Variants in NCOR2 observed in about 807,000 individuals in gnomAD.
NCOR2 encodes the protein CTG repeat protein 26.
In NCOR2, 81 loss-of-function variants were observed where a neutral mutation model predicts 262.9. The ratio of observed to expected loss-of-function variants is 0.31; its 90% CI spans 0.26 to 0.37. The LOEUF (loss-of-function observed/expected upper bound fraction) is 0.37, where lower values mean the gene tolerates loss of function less well. Among genes scored for constraint, NCOR2 ranks in the 10% least tolerant of loss-of-function variants. The pLI, the probability that NCOR2 is intolerant of heterozygous loss-of-function variation, is 1.00. For missense variants in NCOR2, 3,385 were observed against 3,621.4 expected, an observed-to-expected ratio of 0.93 and a Z score of 1.68; for synonymous variants, 1,659 against 1,559.3, an observed-to-expected ratio of 1.06 and a Z score of -1.51.
chr12:124,521,586 C>T (rs1384924917), intron 1 of NCOR2, among the ~76,000 whole-genome samples: 2 of 152,202 alleles, frequency 1.3e-5, no homozygotes, highest in Non-Finnish European at 2.9e-5. Context: ...AGATTGGTAG[C>T]TGCCAGGGGC....
chr12:124,371,809 C>G (rs1286758964), intron 20 of NCOR2, among the ~76,000 whole-genome samples: 1 of 152,132 alleles, frequency 6.6e-6, no homozygotes, highest in Non-Finnish European at 1.5e-5. Flanking sequence ...GCTTGGATGT[C>G]ACCTCCTGGG....
chr12:124,426,516 G>A, intron 11 of NCOR2, 106 bp downstream of exon 13: 13 of 1,139,872 alleles, frequency 1.1e-5, no homozygotes, highest in Non-Finnish European at 1.5e-5. Flanking sequence ...GCGGTTTTAA[G>A]CACCCCCCGG....
At chr12:124,359,385 C>T (rs139338524) in intron 22 of NCOR2, among the ~76,000 whole-genome samples, 40 of 152,348 alleles carry the variant, frequency 2.6e-4, no homozygotes, top group Middle Eastern at 3.4e-3. Context: ...TTAATGATGC[C>T]TGCTGTGAGC....
exon 33 of NCOR2, chr12:124,343,084 A>G (rs771639259): frequency 1.2e-6 from 2 of 1,612,306 alleles, no homozygotes; most frequent in South Asian, 2.2e-5. Context: ...GGTCCACGCC[A>G]CTCACGCCCC....
chr12:124,462,955 C>A (rs1440335162), intron 5 of NCOR2, among the ~76,000 whole-genome samples: 1 of 152,160 alleles, frequency 6.6e-6, no homozygotes, highest in Non-Finnish European at 1.5e-5. Flanking sequence ...GTTGCCGCTT[C>A]CATCAATCCT....
chr12:124,348,231 T>G, exon 29 of NCOR2: 1 of 1,612,960 alleles, frequency 6.2e-7, no homozygotes, highest in Admixed American at 1.7e-5. Context: ...ATGTCATAGG[T>G]GCGCTTGGGG....
intron 1 of NCOR2, among the ~76,000 whole-genome samples, chr12:124,565,641 A>G (rs2052213967): frequency 6.6e-6 from 1 of 152,044 alleles, no homozygotes; most frequent in South Asian, 2.1e-4. Context: ...GAACCCAGGA[A>G]TAATAATACC....
At chr12:124,540,425 G>A (rs551069707), upstream of NCOR2, among the ~76,000 whole-genome samples, 16 of 111,204 alleles carry the variant, frequency 1.4e-4, no homozygotes, top group African/African-American at 6.0e-4. Context: ...TGGAGAACTG[G>A]AGAGGGTTGG....
chr12:124,432,149 CAG>C lies in NCOR2; in HGVS notation c.883-1364_883-1363del, dbSNP rs1306296606. Among the ~76,000 whole-genome samples the C allele has an allele frequency of 2.0e-5, 3 of 152,056 alleles. No homozygotes were observed. The highest frequency in any genetic ancestry group is 4.4e-5 in the Non-Finnish European group (3 of 68,004). Reference sequence around the variant, plus strand: ...ACACACACAGTCGCAGGCAGACAAACAGATGCACACACAGGGTCTCGCAGGCA... The same window carrying C: ...ACACACACAGTCGCAGGCAGACAAACATGCACACACAGGGTCTCGCAGGCA... On this transcript the variant is annotated intron_variant, in intron 8 of 46. Transcript: ENST00000405201. The surrounding 1 kb of genome is among the most constrained non-coding windows in gnomAD (Gnocchi z 5.1).
chr12:124,406,729 T>C (rs1014067966), intron 13 of NCOR2, among the ~76,000 whole-genome samples: 3 of 152,148 alleles, frequency 2.0e-5, no homozygotes, highest in African/African-American at 7.2e-5. Context: ...ACTGGATCTA[T>C]GGTTAGCCAG....
rs1458959566 is a variant in NCOR2, at chr12:124,389,518, G to C, written c.1877-3631C>G. ...AGAAAAACAGAGCTTCTCCACCCCC[G>C]GCAGACAGGGAGCAAACAGCTTCTT... On this transcript the variant is annotated intron_variant, in intron 16 of 46. Coordinates refer to ENST00000405201, the Ensembl canonical transcript of NCOR2. The surrounding 1 kb of genome is among the most constrained non-coding windows in gnomAD (Gnocchi z 4.4). Among the ~76,000 whole-genome samples, 1 of 151,524 alleles carries C rather than the reference G, an allele frequency of 6.6e-6. No individual in the cohort carries two copies. The highest frequency in any genetic ancestry group is 1.5e-5 in the Non-Finnish European group (1 of 67,900).
At chr12:124,423,775 C>T (rs2043364550) in intron 11 of NCOR2, among the ~76,000 whole-genome samples, 1 of 152,238 alleles carries the variant, frequency 6.6e-6, no homozygotes. Flanking sequence ...TCCCTCAATA[C>T]CTCACTTGCA....
At chr12:124,391,716 C>T (rs1476898678) in intron 16 of NCOR2, among the ~76,000 whole-genome samples, 1 of 152,188 alleles carries the variant, frequency 6.6e-6, no homozygotes, top group Non-Finnish European at 1.5e-5. Context: ...CCTTAGCCTC[C>T]GCATCAGCAA....
chr12:124,431,533 C>T (rs1452643654), intron 8 of NCOR2, among the ~76,000 whole-genome samples: 1 of 150,448 alleles, frequency 6.6e-6, no homozygotes, highest in East Asian at 2.0e-4. Context: ...CAGATATACA[C>T]AGGCACACAT....
chr12:124,553,362 CT>C (rs997396855), intron 1 of NCOR2, among the ~76,000 whole-genome samples: 1 of 152,248 alleles, frequency 6.6e-6, no homozygotes, highest in Non-Finnish European at 1.5e-5. Context: ...TTCACAGCTT[CT>C]GAGAATTAGG....
chr12:124,377,150 T>G (rs556478590), intron 18 of NCOR2, among the ~76,000 whole-genome samples: 10 of 152,222 alleles, frequency 6.6e-5, no homozygotes, highest in Non-Finnish European at 1.5e-4. Context: ...CCGTGTGTTA[T>G]CCGGAGCCCT....
intron 7 of NCOR2, among the ~76,000 whole-genome samples, chr12:124,444,931 G>A (rs2045044549): frequency 6.6e-6 from 1 of 152,072 alleles, no homozygotes; most frequent in Non-Finnish European, 1.5e-5. Context: ...TGACCCTGGG[G>A]GAGTCATCTG....
chr12:124,404,436 A>G (rs531842625), intron 13 of NCOR2, among the ~76,000 whole-genome samples: 3 of 152,344 alleles, frequency 2.0e-5, no homozygotes, highest in Non-Finnish European at 4.4e-5. Flanking sequence ...CGATGGGAGC[A>G]GCAGCCACGG....
rs541839827 is a variant in NCOR2 at position 124,457,235 on chromosome 12, C to A, written c.706-73G>T. 1 of 1,447,750 alleles carries A rather than the reference C, an allele frequency of 6.9e-7. No individual in the cohort carries two copies. Among genetic ancestry groups the A allele is most frequent in the East Asian group, 2.9e-5 (1 of 34,476 alleles). The allele number at this position is 1,447,750 out of a possible 1,614,324, so 89.7% of individuals were successfully genotyped here. A position where few individuals can be genotyped will look rare whatever the true frequency, so the allele number is the denominator to read the frequency against. On this transcript the variant is annotated intron_variant, in intron 5 of 46. Transcript: ENST00000405201. This position sits in a 1 kb window ranked among gnomAD's most constrained non-coding sequence, Gnocchi z 4.0. ...ACACAGATTATAAATAGAGGCTTCCCGGAGCAGCGGGCACCTGCCCAGCCC... is the reference window on the plus strand; with the variant it reads ...ACACAGATTATAAATAGAGGCTTCCAGGAGCAGCGGGCACCTGCCCAGCCC...
Sources: allele counts gnomAD v4.1 joint callset (sites outside exome capture counted in the v4.1 genomes callset), GRCh38; gene constraint gnomAD v4.1.1; non-coding constraint Gnocchi (gnomAD v3.1); transcripts MANE v1.5; gene names NCBI Gene and HGNC (gene_info 2026-07-23, HGNC 2026-07-21).